TSC22D1: variants seen among roughly 807,000 people sequenced by gnomAD.
The protein encoded by TSC22D1 is TSC22 domain family protein 1.
Under a neutral mutation model 74.2 loss-of-function variants are expected in TSC22D1, and 9 were observed. The ratio of observed to expected loss-of-function variants is 0.12; its 90% CI spans 0.07 to 0.21. TSC22D1 has a LOEUF of 0.21. TSC22D1 is among the 10% of genes least tolerant of loss of function. The probability of loss-of-function intolerance (pLI) is 1.00; values close to 1 mark genes in which losing one functional copy is unlikely to be tolerated. For synonymous variants in TSC22D1, 586 were observed against 492.5 expected (o/e 1.19, Z -2.51); for missense variants, 1,427 against 1,304.7 (o/e 1.09, Z -1.44).
intron 1 of TSC22D1, among the ~76,000 whole-genome samples, chr13:44,444,817 A>C (rs1689099198): frequency 6.6e-6 from 1 of 152,182 alleles, no homozygotes; most frequent in Non-Finnish European, 1.5e-5. Flanking sequence ...ATTTAAACAA[A>C]AATGGACAAA....
At chr13:44,533,454 T>G (rs1880968930) in intron 1 of TSC22D1, among the ~76,000 whole-genome samples, 1 of 146,488 alleles carries the variant, frequency 6.8e-6, no homozygotes, top group Non-Finnish European at 1.5e-5. Context: ...TAAGACTCTG[T>G]ATCAAATAAA....
At chr13:44,480,323 C>T (rs1878119344) in intron 1 of TSC22D1, among the ~76,000 whole-genome samples, 3 of 151,884 alleles carry the variant, frequency 2.0e-5, no homozygotes, top group Non-Finnish European at 4.4e-5. Flanking sequence ...CAGGGTAATG[C>T]TATTAATTCC....
chr13:44,547,381 A>G (rs1881894478), intron 1 of TSC22D1, among the ~76,000 whole-genome samples: 1 of 152,154 alleles, frequency 6.6e-6, no homozygotes, highest in Admixed American at 6.5e-5. Flanking sequence ...TCAGAAGATA[A>G]TATGTGAGAG....
chr13:44,468,654 G>A (rs573298301), intron 1 of TSC22D1, among the ~76,000 whole-genome samples: 30 of 149,786 alleles, frequency 2.0e-4, no homozygotes, highest in African/African-American at 6.3e-4. Flanking sequence ...TTTGGGAACC[G>A]CTATACTATG....
At chr13:44,523,835 C>T (rs116043575) in intron 1 of TSC22D1, among the ~76,000 whole-genome samples, 3,441 of 152,214 alleles carry the variant, frequency 0.023, 118 homozygotes, top group African/African-American at 0.076. Flanking sequence ...CCCAAGGTGG[C>T]TTCCTTAAGA....
chr13:44,519,101 G>A (rs939713835), intron 1 of TSC22D1, among the ~76,000 whole-genome samples: 28 of 152,078 alleles, frequency 1.8e-4, no homozygotes, highest in Non-Finnish European at 7.4e-5. Context: ...TTATAGAAAA[G>A]CAAGGGGCTG....
At position 44,434,529 on chromosome 13, in the gene TSC22D1, A is replaced by G; in HGVS notation, c.*97T>C. 2 of 1,470,824 alleles carry G rather than the reference A, an allele frequency of 1.4e-6. No homozygotes were observed. The highest frequency in any genetic ancestry group is 9.0e-7 in the Non-Finnish European group (1 of 1,114,670). The allele number at this position is 1,470,824 out of a possible 1,614,324, so 91.1% of individuals were successfully genotyped here. ...GTCTCACGTCTCTTTCGCAGCGAGC[A>G]ATGAAATGGGTGACTGTGGAGGCAG... On this transcript the variant is annotated 3_prime_UTR_variant, in exon 3 of 3. Transcript: ENST00000458659.
intron 1 of TSC22D1, among the ~76,000 whole-genome samples, chr13:44,532,248 A>C (rs192019290): frequency 1.5e-3 from 230 of 152,320 alleles, no homozygotes; most frequent in African/African-American, 4.7e-3. Flanking sequence ...TAATTTTTAG[A>C]AACAAAATAC....
intron 1 of TSC22D1, among the ~76,000 whole-genome samples, chr13:44,444,278 CAAAAAAAAAAAAAAAAA>C (rs71070905): frequency 2.3e-4 from 4 of 17,582 alleles, no homozygotes; most frequent in Admixed American, 1.1e-3. Context: ...GACTCTGTCT[CAAAAAAAAAAAAAAAAA>C]AAAAAAAAAA....
chr13:44,521,703 C>T (rs554586343), intron 1 of TSC22D1, among the ~76,000 whole-genome samples: 1 of 151,002 alleles, frequency 6.6e-6, no homozygotes, highest in African/African-American at 2.4e-5. Context: ...AAAAAGAAAC[C>T]TAGGCAATAA....
At chr13:44,525,885 T>C (rs985716620) in intron 1 of TSC22D1, among the ~76,000 whole-genome samples, 3 of 151,954 alleles carry the variant, frequency 2.0e-5, no homozygotes, top group Non-Finnish European at 4.4e-5. Context: ...CGGACTGCCT[T>C]GATCTCAGGA....
chr13:44,524,944 A>G (rs1880479945), intron 1 of TSC22D1, among the ~76,000 whole-genome samples: 1 of 152,220 alleles, frequency 6.6e-6, no homozygotes, highest in African/African-American at 2.4e-5. Flanking sequence ...GGAAAAAGTA[A>G]CCATATTCAA....
At position 44,575,434 on chromosome 13, in the gene TSC22D1, T is replaced by G; in HGVS notation, c.641A>C (p.Asn214Thr). Residue 214 changes from asparagine (N) to threonine (T), a missense_variant, in exon 1 of 3, where the codon AAT (asparagine) becomes ACT (threonine). This residue lies in a region of TSC22D1 where 1,343 missense variants were observed against 1,191.5 expected (regional missense o/e 1.13). Coordinates refer to ENST00000458659, the MANE Select transcript of TSC22D1 (RefSeq NM_183422.4). ...GTGATGGAGGTGGTGTGGATGAGCA[T>G]TCCCATTGATCACAACATTCTGTTG... ...LPQQNVVING[N>T]AHPHHLHHHH... The G allele has an allele frequency of 6.2e-7, 1 of 1,614,076 alleles. No homozygotes were observed. The highest frequency in any genetic ancestry group is 8.5e-7 in the Non-Finnish European group (1 of 1,179,992).
At chr13:44,501,560 G>GT (rs775205512) in intron 1 of TSC22D1, among the ~76,000 whole-genome samples, 4,241 of 152,266 alleles carry the variant, frequency 0.028, 180 homozygotes, top group African/African-American at 0.094. Flanking sequence ...CAGAGGCTAG[G>GT]CCGGGTGGAG....
chr13:44,456,303 C>T (rs1224307682), intron 1 of TSC22D1, among the ~76,000 whole-genome samples: 1 of 152,182 alleles, frequency 6.6e-6, no homozygotes, highest in Non-Finnish European at 1.5e-5. Context: ...CTTATTTGGC[C>T]CTGCCCACAT....
At chr13:44,534,662 C>A (rs1371421767) in intron 1 of TSC22D1, among the ~76,000 whole-genome samples, 2 of 152,040 alleles carry the variant, frequency 1.3e-5, no homozygotes, top group East Asian at 1.9e-4. Flanking sequence ...ATATACCAGG[C>A]AACAATATTA....
rs574133613 is a variant in TSC22D1 at position 44,534,204 on chromosome 13, C to T, written c.2912+38959G>A. Among the ~76,000 whole-genome samples the T allele has an allele frequency of 2.2e-4, 32 of 143,392 alleles. No homozygotes were observed. In the South Asian group the frequency reaches 5.3e-3, roughly 24 times the overall value. The allele number at this position is 143,392 out of a possible 152,430, so 94.1% of individuals were successfully genotyped here. A position where few individuals can be genotyped will look rare whatever the true frequency, so the allele number is the denominator to read the frequency against. On this transcript the variant is annotated intron_variant, in intron 1 of 2. Transcript: ENST00000458659. ...TTGAGCCACTGCACTGCAGCCTGAG[C>T]GACAGAGTAAGACCCTGTCTCAAGG... is the stretch of plus-strand genomic sequence containing the variant.
chr13:44,475,875 C>T (rs1340771240), intron 1 of TSC22D1, among the ~76,000 whole-genome samples: 1 of 152,176 alleles, frequency 6.6e-6, no homozygotes, highest in East Asian at 1.9e-4. Context: ...CCCAGCTCAG[C>T]CAGTCCCTGC....
chr13:44,536,731 C>T (rs1172318425), intron 1 of TSC22D1: 2 of 983,654 alleles, frequency 2.0e-6, no homozygotes, highest in East Asian at 2.3e-4. Flanking sequence ...ACAGTATTAA[C>T]TCAAGAGAGT....
Sources: allele counts gnomAD v4.1 joint callset (sites outside exome capture counted in the v4.1 genomes callset), GRCh38; gene constraint gnomAD v4.1.1; regional missense constraint gnomAD v4.1.1; transcripts MANE v1.5; gene names NCBI Gene and HGNC (gene_info 2026-07-23, HGNC 2026-07-21).